DNAJC16: variants seen among roughly 807,000 people sequenced by gnomAD.
DNAJC16 encodes the protein DnaJ heat shock protein family (Hsp40) member C16.
Under a neutral mutation model 92.7 loss-of-function variants are expected in DNAJC16, and 76 were observed. The ratio of observed to expected loss-of-function variants is 0.82; its 90% CI spans 0.68 to 0.99. The LOEUF (loss-of-function observed/expected upper bound fraction) is 0.99. Ranked by LOEUF, DNAJC16 falls within the 50% of genes least tolerant of loss-of-function variation. The probability of loss-of-function intolerance (pLI) is 0.00; values close to 1 mark genes in which losing one functional copy is unlikely to be tolerated. For missense variants in DNAJC16, 869 were observed against 942.4 expected (o/e 0.92, Z 1.02); for synonymous variants, 328 against 358.7 (o/e 0.91, Z 0.97).
chr1:15,537,023 G>T (rs756011850), intron 4 of DNAJC16, among the ~76,000 whole-genome samples: 6 of 151,982 alleles, frequency 3.9e-5, no homozygotes, highest in Non-Finnish European at 5.9e-5. Flanking sequence ...GCTAATTTTT[G>T]TATTTTTAGT....
In DNAJC16 at chr1:15,528,432, C is replaced by CA. The variant is rs34313385; in HGVS notation, c.-18-644dup. On this transcript the variant is annotated intron_variant, in intron 1 of 14. Coordinates refer to ENST00000375847, the MANE Select transcript of DNAJC16 (RefSeq NM_015291.4). Reference sequence around the variant, plus strand: ...CTGGGCAACGAGTGAAACTCCGTCTCAAAAAAAAAAAACAAAAAAACACCA... The same window carrying CA: ...CTGGGCAACGAGTGAAACTCCGTCTCAAAAAAAAAAAAACAAAAAAACACCA... Among the ~76,000 whole-genome samples, 248 of 145,018 alleles carry CA rather than the reference C, an allele frequency of 1.7e-3. 2 individuals are homozygous for CA. The highest frequency in any genetic ancestry group is 0.012 in the South Asian group (51 of 4,410).
Position 15,566,087 on chromosome 1 carries a change from C to T in DNAJC16, c.1685C>T (p.Ser562Phe). 1 of 1,613,780 alleles carries T rather than the reference C, an allele frequency of 6.2e-7. No homozygotes were observed. Among genetic ancestry groups the T allele is most frequent in the Non-Finnish European group, 8.5e-7 (1 of 1,179,996 alleles). Residue 562 changes from serine to phenylalanine, a missense_variant, in exon 13 of 15, where the codon TCT becomes TTT. Coordinates refer to ENST00000375847, the MANE Select transcript of DNAJC16 (RefSeq NM_015291.4). ...CTCCTTTTTTCTTACTTTAGCGACTCTAATGATGAGCGAGAGTCAAGCCCT... is the reference window on the plus strand; with the variant it reads ...CTCCTTTTTTCTTACTTTAGCGACTTTAATGATGAGCGAGAGTCAAGCCCT... Reference protein sequence around the residue: ...GTVIVQAFSDSNDERESSPPE... With the variant: ...GTVIVQAFSDFNDERESSPPE...
At chr1:15,528,297 G>C (rs1167562035) in intron 1 of DNAJC16, among the ~76,000 whole-genome samples, 2 of 152,182 alleles carry the variant, frequency 1.3e-5, no homozygotes, top group Admixed American at 6.5e-5. Flanking sequence ...AGCTAGGCAG[G>C]GTGGCGCATG....
intron 7 of DNAJC16, among the ~76,000 whole-genome samples, chr1:15,555,033 CT>C (rs35798505): frequency 0.016 from 1,923 of 121,764 alleles, 33 homozygotes; most frequent in African/African-American, 0.045. Flanking sequence ...TATTAAAAAG[CT>C]TTTTTTTTTT....
Position 15,529,151 on chromosome 1 carries a change from CT to C in DNAJC16, c.47del (p.Leu16ArgfsTer3). On this transcript the variant is annotated frameshift_variant, in exon 2 of 15. Transcript: ENST00000375847. LOFTEE classifies it high-confidence loss of function. Reference sequence around the variant, plus strand: ...CATTTCCTGGCAGTTCTTGATAGTTCTGGTTCTGATCCTGCAAATTCTGTCT... The same window carrying C: ...CATTTCCTGGCAGTTCTTGATAGTTCGGTTCTGATCCTGCAAATTCTGTCT... ...LSISWQFLIV[L>X]VLILQILSAL... 6.2e-7 allele frequency: 1 copy of C among 1,614,076 alleles called. No homozygotes were observed. The highest frequency in any genetic ancestry group is 8.5e-7 in the Non-Finnish European group (1 of 1,179,988).
At chr1:15,532,234 TTTTTA>T (rs1288642927) in intron 2 of DNAJC16, among the ~76,000 whole-genome samples, 1 of 152,214 alleles carries the variant, frequency 6.6e-6, no homozygotes, top group Non-Finnish European at 1.5e-5. Context: ...TCTATCTTTG[TTTTTA>T]TTCCTTTAAG....
intron 7 of DNAJC16, among the ~76,000 whole-genome samples, chr1:15,553,664 T>C (rs1638499977): frequency 2.0e-5 from 3 of 152,208 alleles, no homozygotes; most frequent in Non-Finnish European, 4.4e-5. Flanking sequence ...CCATGTTAGC[T>C]TCACTTGATC....
At chr1:15,537,720 C>A (rs962878129) in intron 4 of DNAJC16, among the ~76,000 whole-genome samples, 1 of 152,170 alleles carries the variant, frequency 6.6e-6, no homozygotes, top group Non-Finnish European at 1.5e-5. Flanking sequence ...CCCAGAGCAA[C>A]TCAATGAAGG....
chr1:15,555,432 C>G (rs1452172671), intron 7 of DNAJC16, among the ~76,000 whole-genome samples: 4 of 151,114 alleles, frequency 2.6e-5, no homozygotes, highest in Non-Finnish European at 5.9e-5. Context: ...CGCCTGTAAT[C>G]CCAGCATTTT....
intron 4 of DNAJC16, among the ~76,000 whole-genome samples, chr1:15,539,448 G>A (rs529301218): frequency 1.3e-5 from 2 of 151,674 alleles, no homozygotes; most frequent in South Asian, 2.1e-4. Context: ...GGGTTTCACC[G>A]TGTTAGCCAG....
intron 4 of DNAJC16, chr1:15,542,251 TG>T (rs1441427250): frequency 1.3e-5 from 2 of 152,296 alleles, no homozygotes; most frequent in African/African-American, 4.8e-5. Flanking sequence ...TCCTCCCGTA[TG>T]GGAGAGGCGT....
intron 7 of DNAJC16, among the ~76,000 whole-genome samples, chr1:15,550,198 G>A (rs1010307650): frequency 1.3e-5 from 2 of 152,198 alleles, no homozygotes; most frequent in African/African-American, 2.4e-5. Flanking sequence ...ACCAGTGTCC[G>A]AATAGAAAAG....
rs1638706103 is a variant in DNAJC16 at position 15,562,200 on chromosome 1, T to C, written c.1213T>C (p.Phe405Leu). The C allele has an allele frequency of 1.2e-6, 2 of 1,614,126 alleles. No homozygotes were observed. The highest frequency in any genetic ancestry group is 8.5e-7 in the Non-Finnish European group (1 of 1,179,970). The stretch of plus-strand genomic sequence containing the variant: ...CAAGTTGAGCAAACCCTTTGAGGCT[T>C]TCCTGTCCTTTGCCCTGGCAAACAC... Reference protein sequence around the residue: ...TTKLSKPFEAFLSFALANTQD... With the variant: ...TTKLSKPFEALLSFALANTQD... Residue 405 changes from phenylalanine to leucine, a missense_variant, in exon 9 of 15, where the codon TTC becomes CTC. Coordinates refer to ENST00000375847, the MANE Select transcript of DNAJC16 (RefSeq NM_015291.4).
In DNAJC16 at chr1:15,568,351, C is replaced by T; in HGVS notation, c.*174C>T. ...CCTGTTCTAACCTAGGAATGAAAAACACCACCAGTTTGAATCGCCTAGATG... is the reference window on the plus strand; with the variant it reads ...CCTGTTCTAACCTAGGAATGAAAAATACCACCAGTTTGAATCGCCTAGATG... On this transcript the variant is annotated 3_prime_UTR_variant, in exon 15 of 15. Coordinates refer to ENST00000375847, the MANE Select transcript of DNAJC16 (RefSeq NM_015291.4). 1.7e-6 allele frequency: 1 copy of T among 585,920 alleles called. No homozygotes were observed. The highest frequency in any genetic ancestry group is 2.9e-6 in the Non-Finnish European group (1 of 344,948). The allele number at this position is 585,920 out of a possible 1,614,324, so 36.3% of individuals were successfully genotyped here.
Position 15,570,294 on chromosome 1 carries a change from A to G in DNAJC16, c.*2117A>G, listed in dbSNP as rs1363262703. ...TATATGAGTGGTCTTTTGGTTTGGTAGTAGGTTTTTATTTTTAATTTCTGT... is the reference window on the plus strand; with the variant it reads ...TATATGAGTGGTCTTTTGGTTTGGTGGTAGGTTTTTATTTTTAATTTCTGT... On this transcript the variant is annotated 3_prime_UTR_variant, in exon 15 of 15. Transcript: ENST00000375847. 2 of 152,178 alleles carry G rather than the reference A, an allele frequency of 1.3e-5. No individual in the cohort carries two copies. Among genetic ancestry groups the G allele is most frequent in the South Asian group, 2.1e-4 (1 of 4,832 alleles). 9.4% of individuals were successfully genotyped at this position (152,178 alleles called of 1,614,324 possible).
chr1:15,566,097 G>GCT lies in DNAJC16; in HGVS notation c.1696_1697insTC (p.Arg566LeufsTer39). ...CTTACTTTAGCGACTCTAATGATGAGCGAGAGTCAAGCCCTCCAGAAAAAG... is the reference window on the plus strand; with the variant it reads ...CTTACTTTAGCGACTCTAATGATGAGCTCGAGAGTCAAGCCCTCCAGAAAAAG... On this transcript the variant is annotated frameshift_variant, in exon 13 of 15. Coordinates refer to ENST00000375847, the MANE Select transcript of DNAJC16 (RefSeq NM_015291.4). LOFTEE classifies it high-confidence loss of function. The GCT allele has an allele frequency of 6.2e-7, 1 of 1,613,830 alleles. No individual in the cohort carries two copies.
At position 15,552,421 on chromosome 1, in the gene DNAJC16, G is replaced by A. The variant is rs1403434545; in HGVS notation, c.1023+3993G>A. Among the ~76,000 whole-genome samples, 8 of 151,448 alleles carry A rather than the reference G, an allele frequency of 5.3e-5. 1 individual carries two copies. Among genetic ancestry groups the A allele is most frequent in the African/African-American group, 9.7e-5 (4 of 41,202 alleles). ...GAAGAATCACTTGAACCTGGGAGGC[G>A]GGGGTTGCAGTGAGCCAAGATCGCG... On this transcript the variant is annotated intron_variant, in intron 7 of 14. Transcript: ENST00000375847.
intron 6 of DNAJC16, among the ~76,000 whole-genome samples, chr1:15,547,123 T>G (rs1638327625): frequency 6.6e-6 from 1 of 151,714 alleles, no homozygotes. Flanking sequence ...AAGAACCCAG[T>G]GATGGAGATA....
At chr1:15,564,661 T>C (rs1417025700) in intron 11 of DNAJC16, among the ~76,000 whole-genome samples, 1 of 151,732 alleles carries the variant, frequency 6.6e-6, no homozygotes, top group Non-Finnish European at 1.5e-5. Context: ...CCTGAGTAGC[T>C]GGGATTACAG....
Sources: gnomAD v4.1 joint callset for allele counts (sites outside exome capture counted in the v4.1 genomes callset) on GRCh38, gnomAD v4.1.1 for gene constraint, MANE v1.5 for transcripts, NCBI Gene and HGNC (gene_info 2026-07-23, HGNC 2026-07-21) for gene names.